CDH18: variants seen among roughly 807,000 people sequenced by gnomAD.
The protein encoded by CDH18 is cadherin 18, also known as cadherin-18.
In CDH18, 31 loss-of-function variants were observed where a neutral mutation model predicts 67.9. The observed-to-expected ratio is 0.46, with a 90% CI of 0.34 to 0.62. The LOEUF (loss-of-function observed/expected upper bound fraction) is 0.62, where lower values mean the gene tolerates loss of function less well. Among genes scored for constraint, CDH18 ranks in the 20% least tolerant of loss-of-function variants. CDH18 has a pLI of 0.01. For synonymous variants in CDH18, 362 were observed against 347.2 expected (o/e 1.04, Z -0.48); for missense variants, 890 against 975.5 (o/e 0.91, Z 1.17).
intron 4 of CDH18, among the ~76,000 whole-genome samples, chr5:19,728,164 T>A (rs1767108799): frequency 6.6e-6 from 1 of 152,214 alleles, no homozygotes. Flanking sequence ...TATATAGATT[T>A]GATGAATAGA....
At chr5:19,492,864 A>G (rs1395991297) in intron 11 of CDH18, among the ~76,000 whole-genome samples, 1 of 152,150 alleles carries the variant, frequency 6.6e-6, no homozygotes, top group East Asian at 1.9e-4. Flanking sequence ...TCTAGCCACC[A>G]CAATTTGGTA....
chr5:19,477,470 C>G (rs1206882140), intron 12 of CDH18, among the ~76,000 whole-genome samples: 3 of 151,694 alleles, frequency 2.0e-5, no homozygotes, highest in African/African-American at 7.3e-5. Context: ...CAGTAATAGC[C>G]TCACTAGGAA....
chr5:20,123,897 A>G (rs1748594557), intron 2 of CDH18, among the ~76,000 whole-genome samples: 1 of 152,024 alleles, frequency 6.6e-6, no homozygotes. Flanking sequence ...AAAAAAAAAA[A>G]AAAAAAAAAG....
chr5:20,386,474 T>C (rs932096960), intron 1 of CDH18, among the ~76,000 whole-genome samples: 1 of 152,292 alleles, frequency 6.6e-6, no homozygotes, highest in Non-Finnish European at 1.5e-5. Flanking sequence ...GCAATTGGCT[T>C]ACAATCAGAC....
chr5:19,517,518 A>G (rs1364479789), intron 10 of CDH18, among the ~76,000 whole-genome samples: 1 of 152,122 alleles, frequency 6.6e-6, no homozygotes, highest in Admixed American at 6.6e-5. Flanking sequence ...GTCAAGTCAA[A>G]GAATGCTTTG....
At chr5:20,143,010 T>C (rs1315884002) in intron 2 of CDH18, among the ~76,000 whole-genome samples, 1 of 152,114 alleles carries the variant, frequency 6.6e-6, no homozygotes, top group Non-Finnish European at 1.5e-5. Context: ...GGATAATGAG[T>C]AGAAGCTGTA....
intron 2 of CDH18, among the ~76,000 whole-genome samples, chr5:20,213,537 A>G (rs1339493572): frequency 6.6e-6 from 1 of 151,994 alleles, no homozygotes; most frequent in Non-Finnish European, 1.5e-5. Flanking sequence ...GTAGACTATT[A>G]CTGATTCAAT....
chr5:19,601,127 AT>A (rs1205770430), intron 6 of CDH18, among the ~76,000 whole-genome samples: 2 of 152,294 alleles, frequency 1.3e-5, no homozygotes, highest in East Asian at 3.9e-4. Context: ...CTCTTGCCCC[AT>A]TCCCTTCCCA....
chr5:19,568,740 C>T lies in CDH18; in HGVS notation c.1253+2839G>A, dbSNP rs1257157733. Among the ~76,000 whole-genome samples the T allele has an allele frequency of 2.0e-5, 3 of 152,110 alleles. No individual in the cohort carries two copies. The East Asian group carries it at 5.8e-4, about 29-fold the overall frequency. On this transcript the variant is annotated intron_variant, in intron 8 of 12. Transcript: ENST00000382275. ...CACACCAGATACCAGATAGGCTGGC[C>T]CTTTGATCTTGGACTTCCCAGCCTC...
rs543322831 is a variant in CDH18 at position 20,399,985 on chromosome 5, A to G, written c.-579-144480T>C. On this transcript the variant is annotated intron_variant, in intron 1 of 14. Coordinates refer to the CDH18 transcript ENST00000507958. Reference sequence around the variant, plus strand: ...ACTCTTACTTTATATATCATCAGAAATGTTTAACTTCATATTTTAATTATC... The same window carrying G: ...ACTCTTACTTTATATATCATCAGAAGTGTTTAACTTCATATTTTAATTATC... Among the ~76,000 whole-genome samples, 4 of 152,170 alleles carry G rather than the reference A, an allele frequency of 2.6e-5. No homozygotes were observed. In the South Asian group the frequency reaches 8.3e-4, roughly 32 times the overall value.
intron 3 of CDH18, among the ~76,000 whole-genome samples, chr5:19,811,691 C>T (rs1778762703): frequency 6.6e-6 from 1 of 152,054 alleles, no homozygotes; most frequent in Non-Finnish European, 1.5e-5. Context: ...TAGTGGTAAT[C>T]CTGAAATAAG....
rs1444047612 is a variant in CDH18, at chr5:20,490,024, A to C, written c.-580+85438T>G. Among the ~76,000 whole-genome samples the C allele has an allele frequency of 2.0e-5, 3 of 151,060 alleles. No homozygotes were observed. The South Asian group carries it at 6.2e-4, about 31-fold the overall frequency. Reference sequence around the variant, plus strand: ...TTATCTGATAGGGTTTTAAATAATAAATATAATAAATCATTAATTGAATAT... The same window carrying C: ...TTATCTGATAGGGTTTTAAATAATACATATAATAAATCATTAATTGAATAT... On this transcript the variant is annotated intron_variant, in intron 1 of 14. Transcript: ENST00000507958.
Position 20,490,175 on chromosome 5 carries a change from C to T in CDH18, c.-580+85287G>A, listed in dbSNP as rs574450483. Among the ~76,000 whole-genome samples, 10 of 151,986 alleles carry T rather than the reference C, an allele frequency of 6.6e-5. No homozygotes were observed. The East Asian group carries it at 1.9e-3, about 29-fold the overall frequency. On this transcript the variant is annotated intron_variant, in intron 1 of 14. Coordinates refer to the CDH18 transcript ENST00000507958. ...GCATTTTGATAAATAATAGCTTGTA[C>T]TCCCACCATGCATTCGGGCCCTGGG...
chr5:20,350,975 T>TA lies in CDH18; in HGVS notation c.-579-95471dup, dbSNP rs138943500. ...CCTAAATCCTTCCATTTTGGAAAAG[T>TA]AAAAAAAAAAGGAGAACTTTTTCAT... On this transcript the variant is annotated intron_variant, in intron 1 of 14. Transcript: ENST00000507958. Among the ~76,000 whole-genome samples, 2,847 of 147,674 alleles carry TA rather than the reference T, an allele frequency of 0.019. 236 individuals carry two copies. In the East Asian group the frequency reaches 0.29, roughly 15 times the overall value.
chr5:19,894,014 C>A (rs1789042016), intron 2 of CDH18, among the ~76,000 whole-genome samples: 1 of 152,032 alleles, frequency 6.6e-6, no homozygotes, highest in Admixed American at 6.6e-5. Flanking sequence ...GCTTTTCTTG[C>A]ATTTTAAAAA....
chr5:19,503,962 G>A (rs1307848999), intron 10 of CDH18, among the ~76,000 whole-genome samples: 6 of 152,086 alleles, frequency 3.9e-5, no homozygotes, highest in Admixed American at 3.9e-4. Context: ...AGATAGAGCT[G>A]TGAAAATAAT....
chr5:19,563,949 T>C (rs1052522010), intron 8 of CDH18, among the ~76,000 whole-genome samples: 3 of 152,136 alleles, frequency 2.0e-5, no homozygotes, highest in South Asian at 2.1e-4. Context: ...AGACTTTGCA[T>C]TGGAAGTCAC....
intron 1 of CDH18, among the ~76,000 whole-genome samples, chr5:20,492,255 C>T (rs946297565): frequency 6.6e-6 from 1 of 151,804 alleles, no homozygotes; most frequent in Admixed American, 6.6e-5. Context: ...TCCAAAAACC[C>T]CTTATAAGTG....
intron 8 of CDH18, among the ~76,000 whole-genome samples, chr5:19,554,395 C>T (rs1238333432): frequency 1.3e-5 from 2 of 151,894 alleles, no homozygotes; most frequent in Non-Finnish European, 2.9e-5. Flanking sequence ...ACTAAAAATC[C>T]AAAAATTAGC....
Sources: allele counts gnomAD v4.1 joint callset (sites outside exome capture counted in the v4.1 genomes callset), GRCh38; gene constraint gnomAD v4.1.1; transcripts MANE v1.5; gene names NCBI Gene and HGNC (gene_info 2026-07-23, HGNC 2026-07-21).